The following ZNF536 variants were observed in gnomAD, a reference collection of about 807,000 sequenced individuals.
ZNF536 encodes the protein zinc finger protein 536.
In ZNF536, 13 loss-of-function variants were observed where a neutral mutation model predicts 84.5. The ratio of observed to expected loss-of-function variants is 0.15; its 90% CI spans 0.10 to 0.24. The LOEUF (loss-of-function observed/expected upper bound fraction) is 0.24. ZNF536 is among the 10% of genes least tolerant of loss of function. The pLI is 1.00. For missense variants in ZNF536, 1,536 were observed against 1,747.5 expected, an observed-to-expected ratio of 0.88 and a Z score of 2.16; for synonymous variants, 811 against 742.5, an observed-to-expected ratio of 1.09 and a Z score of -1.50.
Position 30,444,190 on chromosome 19 carries a change from G to C in ZNF536, c.628G>C (p.Asp210His). 1 of 1,560,376 alleles carries C rather than the reference G, an allele frequency of 6.4e-7. No homozygotes were observed. The highest frequency in any genetic ancestry group is 2.4e-5 in the East Asian group (1 of 41,776). The change falls in exon 2 of 5, where the codon GAC (aspartate) becomes CAC (histidine). Residue 210 changes from aspartate (D) to histidine (H), a missense_variant. Asp to His is a moderately conservative substitution (Grantham distance 81). Coordinates refer to ENST00000355537, the MANE Select transcript of ZNF536 (RefSeq NM_014717.3). ...GCTGGAGGAGCGCGCCATCCTGCGG[G>C]ACAAGCAGCTGAAAGGCAGCCTGCT... ...HELEERAILR[D>H]KQLKGSLLQP... is the part of the protein sequence containing the mutation.
chr19:30,389,374 A>G (rs1252898943), intron 1 of ZNF536, among the ~76,000 whole-genome samples: 1 of 152,126 alleles, frequency 6.6e-6, no homozygotes, highest in Non-Finnish European at 1.5e-5. Flanking sequence ...GCGACCATAG[A>G]TGGGACCTTG....
At chr19:30,416,170 C>G (rs7255476) in intron 1 of ZNF536, among the ~76,000 whole-genome samples, 60,635 of 151,858 alleles carry the variant, frequency 0.4, 13,020 homozygotes, top group East Asian at 0.7. Context: ...ACTTTTTTGT[C>G]TTTTCCTTCT....
intron 2 of ZNF536, among the ~76,000 whole-genome samples, chr19:30,512,937 C>T (rs1038481185): frequency 2.0e-5 from 3 of 152,086 alleles, no homozygotes; most frequent in African/African-American, 7.2e-5. Flanking sequence ...GCGCATCAGC[C>T]GGATGGTGTT....
At chr19:30,454,889 C>T (rs557102904) in intron 2 of ZNF536, among the ~76,000 whole-genome samples, 1 of 152,256 alleles carries the variant, frequency 6.6e-6, no homozygotes, top group South Asian at 2.1e-4. Context: ...AAAAATTAAC[C>T]GGGCTTGGTT....
chr19:30,389,855 C>T (rs753057491), intron 1 of ZNF536, among the ~76,000 whole-genome samples: 3 of 152,148 alleles, frequency 2.0e-5, no homozygotes, highest in Non-Finnish European at 2.9e-5. Context: ...CTGAGTGTGG[C>T]GCAGTGACAT....
intron 1 of ZNF536, among the ~76,000 whole-genome samples, chr19:30,600,255 G>A (rs2047638340): frequency 6.6e-6 from 1 of 151,946 alleles, no homozygotes; most frequent in Admixed American, 6.6e-5. Flanking sequence ...ACCATGCTTG[G>A]CTATTTTTTG....
intron 2 of ZNF536, among the ~76,000 whole-genome samples, chr19:30,323,386 G>T (rs1036112275): frequency 2.0e-5 from 3 of 152,008 alleles, no homozygotes; most frequent in Admixed American, 6.6e-5. Flanking sequence ...GTTTGCTCCT[G>T]GGTCTTTCTT....
At chr19:30,285,806 G>C (rs1447981527) in intron 2 of ZNF536, among the ~76,000 whole-genome samples, 1 of 152,212 alleles carries the variant, frequency 6.6e-6, no homozygotes, top group African/African-American at 2.4e-5. Context: ...ACTAGATGCT[G>C]ATAGCATGCC....
At chr19:30,665,873 A>G (rs78144446) in intron 1 of ZNF536, 2,558 of 152,616 alleles carry the variant, frequency 0.017, 28 homozygotes, top group Middle Eastern at 0.04. Context: ...ACTGAGAGGA[A>G]AGGAGGGGTC....
At chr19:30,369,589 G>A (rs1487967075), upstream of ZNF536, among the ~76,000 whole-genome samples, 1 of 152,112 alleles carries the variant, frequency 6.6e-6, no homozygotes, top group Non-Finnish European at 1.5e-5. Context: ...AATTGTAAAG[G>A]AAAAGACAAA....
chr19:30,635,973 G>C (rs1364845217), intron 1 of ZNF536, among the ~76,000 whole-genome samples: 1 of 152,232 alleles, frequency 6.6e-6, no homozygotes. Flanking sequence ...GGATGAGTGG[G>C]CCGCCGGAGA....
At chr19:30,686,537 C>A (rs1839082287) in intron 1 of ZNF536, among the ~76,000 whole-genome samples, 1 of 152,214 alleles carries the variant, frequency 6.6e-6, no homozygotes, top group Admixed American at 6.5e-5. Flanking sequence ...GCACCGTGGC[C>A]CAGTGGCCCA....
At chr19:30,338,115 T>C (rs548693044) in intron 2 of ZNF536, among the ~76,000 whole-genome samples, 2 of 149,788 alleles carry the variant, frequency 1.3e-5, no homozygotes, top group South Asian at 4.3e-4. Context: ...ATTGTGATTA[T>C]GATGATGATG....
At chr19:30,487,645 T>C (rs1364881182) in intron 2 of ZNF536, among the ~76,000 whole-genome samples, 2 of 152,188 alleles carry the variant, frequency 1.3e-5, no homozygotes, top group Non-Finnish European at 2.9e-5. Flanking sequence ...AACCCCCTGG[T>C]GCATGTTAAG....
chr19:30,279,594 A>C (rs893341753), intron 1 of ZNF536, among the ~76,000 whole-genome samples: 3 of 152,200 alleles, frequency 2.0e-5, no homozygotes, highest in African/African-American at 7.2e-5. Context: ...GAACTTGAGA[A>C]TATCAAGCTC....
chr19:30,299,291 A>G (rs1276407064), intron 2 of ZNF536, among the ~76,000 whole-genome samples: 1 of 152,202 alleles, frequency 6.6e-6, no homozygotes. Flanking sequence ...GGGATTTTTC[A>G]TCTGTTGATT....
intron 1 of ZNF536, among the ~76,000 whole-genome samples, chr19:30,282,533 G>A (rs888605192): frequency 6.6e-6 from 1 of 152,174 alleles, no homozygotes; most frequent in African/African-American, 2.4e-5. Flanking sequence ...TAAGTGAATG[G>A]CCCCTGGAGA....
At chr19:30,306,305 A>G (rs1291789865) in intron 2 of ZNF536, among the ~76,000 whole-genome samples, 1 of 151,564 alleles carries the variant, frequency 6.6e-6, no homozygotes, top group African/African-American at 2.4e-5. Flanking sequence ...CCCAGGACTC[A>G]GTAAGGCTCT....
downstream of ZNF536, among the ~76,000 whole-genome samples, chr19:30,559,082 T>C (rs372429563): frequency 3.3e-5 from 5 of 152,174 alleles, no homozygotes; most frequent in Admixed American, 3.3e-4. Flanking sequence ...TGGCATTAGG[T>C]TGTCTTTTAT....
Sources: gnomAD v4.1 joint callset for allele counts (sites outside exome capture counted in the v4.1 genomes callset) on GRCh38, gnomAD v4.1.1 for gene constraint, MANE v1.5 for transcripts, NCBI Gene and HGNC (gene_info 2026-07-23, HGNC 2026-07-21) for gene names.